The following ZNF536 variants were observed in gnomAD, a reference collection of about 807,000 sequenced individuals.
ZNF536 encodes the protein zinc finger protein 536.
Under a neutral mutation model 84.5 loss-of-function variants are expected in ZNF536, and 13 were observed. The observed-to-expected ratio is 0.15, with a 90% confidence interval of 0.10 to 0.24. ZNF536 has a LOEUF of 0.24. Ranked by LOEUF, ZNF536 falls within the 10% of genes least tolerant of loss-of-function variation. The pLI, the probability that ZNF536 is intolerant of heterozygous loss-of-function variation, is 1.00. For missense variants in ZNF536, 1,536 were observed against 1,747.5 expected (o/e 0.88, Z 2.16); for synonymous variants, 811 against 742.5 (o/e 1.09, Z -1.50).
In ZNF536 at chr19:30,606,252, TAAATA is replaced by T. The variant is rs1335593815; in HGVS notation, c.169+56776_169+56780del. The stretch of plus-strand genomic sequence containing the variant: ...AATAATAAAATAAAATAAAATAAAA[TAAATA>T]AAATAAAATAAAATAAAATAAAATA... On this transcript the variant is annotated intron_variant, in intron 1 of 1. Coordinates refer to the ZNF536 transcript ENST00000592773. Among the ~76,000 whole-genome samples the T allele has an allele frequency of 2.6e-3, 173 of 65,980 alleles. 2 individuals carry two copies. The highest frequency in any genetic ancestry group is 0.01 in the African/African-American group (165 of 16,440). 43.3% of individuals were successfully genotyped at this position (65,980 alleles called of 152,430 possible). A position where few individuals can be genotyped will look rare whatever the true frequency, so the allele number is the denominator to read the frequency against.
chr19:30,482,633 C>T (rs115845347), intron 2 of ZNF536, among the ~76,000 whole-genome samples: 129 of 152,098 alleles, frequency 8.5e-4, no homozygotes, highest in African/African-American at 2.9e-3. Flanking sequence ...ATATTCTCTA[C>T]GGTCTGGAAA....
intron 1 of ZNF536, among the ~76,000 whole-genome samples, chr19:30,388,478 G>A (rs901960415): frequency 3.9e-5 from 6 of 152,190 alleles, no homozygotes; most frequent in African/African-American, 9.6e-5. Context: ...CCACTGGAAG[G>A]TGGGAGTTCC....
At chr19:30,443,528 T>G in intron 1 of ZNF536, 33 bp from the exon 2 acceptor site, 1 of 1,510,106 alleles carries the variant, frequency 6.6e-7, no homozygotes, top group Non-Finnish European at 8.8e-7. Flanking sequence ...CAGCCGCACC[T>G]GGCACGGATC....
At chr19:30,390,286 A>C (rs2049528547) in intron 1 of ZNF536, among the ~76,000 whole-genome samples, 1 of 152,262 alleles carries the variant, frequency 6.6e-6, no homozygotes, top group South Asian at 2.1e-4. Flanking sequence ...ATAAAATAAA[A>C]AAATGCTAGG....
chr19:30,424,366 G>C (rs1352868185), intron 1 of ZNF536, among the ~76,000 whole-genome samples: 4 of 152,194 alleles, frequency 2.6e-5, no homozygotes, highest in Non-Finnish European at 4.4e-5. Flanking sequence ...GGGCAGGGCT[G>C]ACCGAGGGAG....
At chr19:30,297,760 C>A (rs1020115774) in intron 2 of ZNF536, among the ~76,000 whole-genome samples, 8 of 152,178 alleles carry the variant, frequency 5.3e-5, no homozygotes, top group Admixed American at 1.3e-4. Flanking sequence ...AGGCAGTGAA[C>A]CTGCCTGTAT....
At chr19:30,368,387 C>T (rs1373503669), upstream of ZNF536, among the ~76,000 whole-genome samples, 1 of 152,230 alleles carries the variant, frequency 6.6e-6, no homozygotes, top group Non-Finnish European at 1.5e-5. Flanking sequence ...ACCAAATCCT[C>T]TCCCTCCATC....
rs1327339651 is a variant in ZNF536, at chr19:30,234,771, A to ACGCGCG, written c.-190+6099_-190+6100insGCGCGC. Among the ~76,000 whole-genome samples, 478 of 148,900 alleles carry ACGCGCG rather than the reference A, an allele frequency of 3.2e-3. 2 individuals are homozygous for ACGCGCG. The highest frequency in any genetic ancestry group is 0.011 in the African/African-American group (467 of 40,934). On this transcript the variant is annotated intron_variant, in intron 1 of 5. Coordinates refer to the ZNF536 transcript ENST00000585628. Reference sequence around the variant, plus strand: ...CACACACACACACACACACACACACACACGCGCACACGCACCCCACACCAC... The same window carrying ACGCGCG: ...CACACACACACACACACACACACACACGCGCGCACGCGCACACGCACCCCACACCAC...
chr19:30,617,999 G>A (rs1439428939), intron 1 of ZNF536, among the ~76,000 whole-genome samples: 1 of 152,166 alleles, frequency 6.6e-6, no homozygotes, highest in East Asian at 1.9e-4. Context: ...GGAATTTTGT[G>A]CATCTCTATT....
chr19:30,506,752 G>T (rs1435432023), intron 2 of ZNF536, among the ~76,000 whole-genome samples: 2 of 152,102 alleles, frequency 1.3e-5, no homozygotes, highest in Non-Finnish European at 2.9e-5. Context: ...GTTTTATTTT[G>T]ATCCCTTTCC....
intron 1 of ZNF536, among the ~76,000 whole-genome samples, chr19:30,570,126 T>C (rs1182829641): frequency 6.6e-6 from 1 of 152,162 alleles, no homozygotes; most frequent in Middle Eastern, 3.2e-3. Flanking sequence ...GATACCTTGG[T>C]GCACAGAGGG....
intron 1 of ZNF536, among the ~76,000 whole-genome samples, chr19:30,579,383 C>T (rs1415868210): frequency 6.6e-6 from 1 of 152,160 alleles, no homozygotes; most frequent in African/African-American, 2.4e-5. Context: ...CACTGGACTT[C>T]CTCATGATTC....
intron 2 of ZNF536, among the ~76,000 whole-genome samples, chr19:30,337,510 C>T (rs901632170): frequency 6.6e-6 from 1 of 152,174 alleles, no homozygotes; most frequent in Non-Finnish European, 1.5e-5. Context: ...CCCAAGCAGC[C>T]TCCCTGTACT....
intron 1 of ZNF536, among the ~76,000 whole-genome samples, chr19:30,674,747 T>C (rs900664634): frequency 5.9e-5 from 9 of 152,190 alleles, no homozygotes; most frequent in African/African-American, 1.9e-4. Context: ...AGCTGGGATG[T>C]CAATAAAAGC....
chr19:30,292,269 T>A (rs947568680), intron 2 of ZNF536, among the ~76,000 whole-genome samples: 10 of 152,108 alleles, frequency 6.6e-5, no homozygotes, highest in Non-Finnish European at 1.3e-4. Context: ...CACTCCTCAC[T>A]ACCATATTAA....
chr19:30,642,098 G>C (rs900922767), intron 1 of ZNF536, among the ~76,000 whole-genome samples: 1 of 152,126 alleles, frequency 6.6e-6, no homozygotes, highest in African/African-American at 2.4e-5. Context: ...GTTGGATTTT[G>C]GGAACCGAAT....
intron 3 of ZNF536, among the ~76,000 whole-genome samples, chr19:30,545,385 C>CT (rs772761287): frequency 0.021 from 1,394 of 67,634 alleles, 375 homozygotes; most frequent in African/African-American, 0.051. Context: ...TCCCATATGT[C>CT]TTTTTTTTTT....
rs866061056 is a variant in ZNF536, at chr19:30,526,702, C to T, written c.2171-8145C>T. Among the ~76,000 whole-genome samples the T allele has an allele frequency of 2.5e-3, 302 of 120,458 alleles. 14 individuals carry two copies. The highest frequency in any genetic ancestry group is 3.9e-3 in the Non-Finnish European group (245 of 62,394). The allele number at this position is 120,458 out of a possible 152,430, so 79.0% of individuals were successfully genotyped here. The stretch of plus-strand genomic sequence containing the variant: ...TTGCGCCACTGCACTCCAGCCTGGG[C>T]GACAGAGCGAGACTCCGTCTCAAAA... On this transcript the variant is annotated intron_variant, in intron 2 of 4. Transcript: ENST00000355537.
chr19:30,493,685 G>C (rs984377085), intron 2 of ZNF536, among the ~76,000 whole-genome samples: 4 of 152,022 alleles, frequency 2.6e-5, no homozygotes, highest in Non-Finnish European at 5.9e-5. Context: ...GGCCATGTTT[G>C]GTCACAGAAG....
Sources: gnomAD v4.1 joint callset for allele counts (sites outside exome capture counted in the v4.1 genomes callset) on GRCh38, gnomAD v4.1.1 for gene constraint, MANE v1.5 for transcripts, NCBI Gene and HGNC (gene_info 2026-07-23, HGNC 2026-07-21) for gene names.